Variants in VEPH1 observed in about 807,000 individuals in gnomAD.
The protein encoded by VEPH1 is ventricular zone expressed PH domain containing 1.
VEPH1 carries 80 observed loss-of-function variants against 85.2 expected under a neutral mutation model. The ratio of observed to expected loss-of-function variants is 0.94; its 90% CI spans 0.78 to 1.13. VEPH1 has a LOEUF of 1.13. Among genes scored for constraint, VEPH1 ranks in the 50% most tolerant of loss-of-function variants. The pLI is 0.00. For synonymous variants in VEPH1, 297 were observed against 348.0 expected (o/e 0.85, Z 1.63); for missense variants, 955 against 980.5 (o/e 0.97, Z 0.35).
chr3:157,491,892 G>C (rs1739241819), intron 2 of VEPH1, among the ~76,000 whole-genome samples: 1 of 152,136 alleles, frequency 6.6e-6, no homozygotes, highest in Non-Finnish European at 1.5e-5. Flanking sequence ...TAGAATATTT[G>C]ACTAGTATTA....
At chr3:157,331,865 C>G (rs888369099) in intron 9 of VEPH1, among the ~76,000 whole-genome samples, 2 of 152,212 alleles carry the variant, frequency 1.3e-5, no homozygotes, top group African/African-American at 4.8e-5. Flanking sequence ...AGGACAAGGT[C>G]AGCTCAGCCC....
At chr3:157,380,303 G>C (rs537878251) in intron 7 of VEPH1, among the ~76,000 whole-genome samples, 5 of 152,238 alleles carry the variant, frequency 3.3e-5, no homozygotes, top group Non-Finnish European at 7.4e-5. Context: ...GCCAGGGTGA[G>C]CTTCCTAAAA....
rs529798792 is a variant in VEPH1 at position 157,340,821 on chromosome 3, C to T, written c.1735+22543G>A. Among the ~76,000 whole-genome samples, 13 of 152,268 alleles carry T rather than the reference C, an allele frequency of 8.5e-5. No homozygotes were observed. The East Asian group carries it at 1.2e-3, about 14-fold the overall frequency. The stretch of plus-strand genomic sequence containing the variant: ...CACACGGCCGGGTACCCCTCTGAGA[C>T]GAAGCTTCCAGAGGAACATTCAGGC... On this transcript the variant is annotated intron_variant, in intron 9 of 13. Transcript: ENST00000362010.
At chr3:157,429,497 TA>T (rs753165755) in intron 4 of VEPH1, among the ~76,000 whole-genome samples, 7 of 152,218 alleles carry the variant, frequency 4.6e-5, no homozygotes, top group Non-Finnish European at 5.9e-5. Flanking sequence ...TGATTCTGGA[TA>T]AAACTGAATG....
At chr3:157,445,225 C>T (rs1457205679) in intron 4 of VEPH1, among the ~76,000 whole-genome samples, 2 of 152,184 alleles carry the variant, frequency 1.3e-5, no homozygotes, top group African/African-American at 2.4e-5. Flanking sequence ...GCTGCCTGCC[C>T]ACGGACTTCT....
intron 4 of VEPH1, among the ~76,000 whole-genome samples, chr3:157,456,835 T>C (rs1384593318): frequency 6.6e-6 from 1 of 152,200 alleles, no homozygotes; most frequent in Non-Finnish European, 1.5e-5. Context: ...TCTTTTTGCT[T>C]AGGATTGCCT....
In VEPH1 at chr3:157,442,534, A is replaced by G. The variant is rs764617952; in HGVS notation, c.530-14046T>C. 1.3e-5 allele frequency: 21 copies of G among 1,614,058 alleles called. No homozygotes were observed. The African/African-American group carries it at 2.5e-4, about 19-fold the overall frequency. ...TCCTATGGCACAAAGAGGAATCCATATGAAATCCAGCTGTATCTCAGCTAC... is the reference window on the plus strand; with the variant it reads ...TCCTATGGCACAAAGAGGAATCCATGTGAAATCCAGCTGTATCTCAGCTAC... On this transcript the variant is annotated intron_variant, in intron 4 of 13. Coordinates refer to ENST00000362010, the MANE Select transcript of VEPH1 (RefSeq NM_001167912.2).
chr3:157,360,668 C>T (rs1725958316), intron 9 of VEPH1, among the ~76,000 whole-genome samples: 1 of 152,040 alleles, frequency 6.6e-6, no homozygotes, highest in Non-Finnish European at 1.5e-5. Context: ...AGAATACATA[C>T]ATTTGTCTAC....
intron 6 of VEPH1, among the ~76,000 whole-genome samples, chr3:157,396,204 T>G (rs148108399): frequency 4.6e-5 from 7 of 152,318 alleles, no homozygotes; most frequent in African/African-American, 1.7e-4. Context: ...CTGTTCCTGT[T>G]TTAGTTTGCT....
At chr3:157,453,331 C>T (rs1329340140) in intron 4 of VEPH1, among the ~76,000 whole-genome samples, 1 of 152,124 alleles carries the variant, frequency 6.6e-6, no homozygotes, top group Non-Finnish European at 1.5e-5. Context: ...TCCTCATCAT[C>T]AAGTCGTTTA....
intron 1 of VEPH1, among the ~76,000 whole-genome samples, chr3:157,495,821 C>T (rs537977165): frequency 4.9e-4 from 75 of 152,324 alleles, no homozygotes; most frequent in African/African-American, 1.7e-3. Flanking sequence ...ATGCCTAACA[C>T]TTGCCAGATT....
At chr3:157,369,180 G>GGAAAAAAAAAAAAAAAAAAAAAAA (rs1553773035) in intron 7 of VEPH1, among the ~76,000 whole-genome samples, 6 of 42,778 alleles carry the variant, frequency 1.4e-4, no homozygotes, top group Non-Finnish European at 2.0e-4. Flanking sequence ...AAAACCAAAT[G>GGAAAAAAAAAAAAAAAAAAAAAAA]AAAAAAAAAA....
intron 11 of VEPH1, among the ~76,000 whole-genome samples, chr3:157,305,654 T>C (rs1272151658): frequency 6.6e-6 from 1 of 152,246 alleles, no homozygotes; most frequent in East Asian, 1.9e-4. Context: ...TTTTTAAGAC[T>C]CTTGAACTGC....
Position 157,327,198 on chromosome 3 carries a change from G to A in VEPH1, c.1736-9997C>T, listed in dbSNP as rs138874905. 3.9e-3 allele frequency among the ~76,000 whole-genome samples: 594 copies of A among 152,200 alleles called. 8 individuals carry two copies. The highest frequency in any genetic ancestry group is 0.014 in the African/African-American group (562 of 41,532). ...AAGACACACCACACCCCTATCCAGG[G>A]ACATTAATGCTTTCCACCACCACAA... On this transcript the variant is annotated intron_variant, in intron 9 of 13. Transcript: ENST00000362010.
At chr3:157,427,069 C>T (rs1007832041) in intron 5 of VEPH1, among the ~76,000 whole-genome samples, 1 of 152,072 alleles carries the variant, frequency 6.6e-6, no homozygotes. Context: ...CTCACTGCAA[C>T]CTTCGTCTCC....
chr3:157,344,730 C>G (rs571554855), intron 9 of VEPH1, among the ~76,000 whole-genome samples: 58 of 152,218 alleles, frequency 3.8e-4, no homozygotes, highest in African/African-American at 1.3e-3. Context: ...CAGTCCTAAG[C>G]CAAAATAACA....
intron 9 of VEPH1, among the ~76,000 whole-genome samples, chr3:157,329,621 CTT>C (rs35707587): frequency 9.6e-5 from 14 of 146,098 alleles, no homozygotes; most frequent in East Asian, 2.0e-4. Context: ...ACAGAGTTGC[CTT>C]TTTTTTTTTA....
At chr3:157,484,621 G>C (rs991799289) in intron 2 of VEPH1, among the ~76,000 whole-genome samples, 11 of 152,184 alleles carry the variant, frequency 7.2e-5, no homozygotes, top group Middle Eastern at 3.2e-3. Flanking sequence ...AAAAAGAATA[G>C]TTTCAAGGGT....
intron 11 of VEPH1, among the ~76,000 whole-genome samples, chr3:157,300,058 G>T (rs1718609181): frequency 6.6e-6 from 1 of 152,136 alleles, no homozygotes; most frequent in South Asian, 2.1e-4. Flanking sequence ...GGTAGAGGCA[G>T]GATTCAAACC....
Sources: gnomAD v4.1 joint callset for allele counts (sites outside exome capture counted in the v4.1 genomes callset) on GRCh38, gnomAD v4.1.1 for gene constraint, MANE v1.5 for transcripts, NCBI Gene and HGNC (gene_info 2026-07-23, HGNC 2026-07-21) for gene names.